UMAD1: variants seen among roughly 807,000 people sequenced by gnomAD.
UMAD1 encodes UBAP1-MVB12-associated (UMA) domain containing 1, also known as UBAP1-MVB12-associated (UMA)-domain containing protein 1.
In UMAD1, 8 loss-of-function variants were observed where a neutral mutation model predicts 6.1. That is an observed-to-expected ratio of 1.30 (90% CI 0.76 to 2.35). UMAD1 has a LOEUF of 2.35. UMAD1 is among the 30% of genes most tolerant of loss of function. UMAD1 has a pLI of 0.00. For synonymous variants in UMAD1, 56 were observed against 31.4 expected, an observed-to-expected ratio of 1.78 and a Z score of -2.61; for missense variants, 130 against 78.4, an observed-to-expected ratio of 1.66 and a Z score of -2.49.
intron 1 of UMAD1, among the ~76,000 whole-genome samples, chr7:7,661,231 G>A (rs1229420475): frequency 2.0e-5 from 3 of 151,902 alleles, no homozygotes; most frequent in Non-Finnish European, 4.4e-5. Flanking sequence ...TTTTTTCCAA[G>A]GTTCTTAGCT....
At chr7:7,689,189 T>C (rs7789164) in intron 2 of UMAD1, 24,743 of 152,116 alleles carry the variant, frequency 0.16, 2,473 homozygotes, top group Middle Eastern at 0.25. Context: ...ACCCATCACA[T>C]TTCTGACTGC....
chr7:7,736,312 G>A (rs567094353), intron 2 of UMAD1: 17 of 152,720 alleles, frequency 1.1e-4, no homozygotes, highest in Non-Finnish European at 2.1e-4. Context: ...GAAATTGCAC[G>A]TTTCTTCCTT....
chr7:7,755,160 A>G (rs1781753722), intron 2 of UMAD1, among the ~76,000 whole-genome samples: 1 of 152,174 alleles, frequency 6.6e-6, no homozygotes, highest in African/African-American at 2.4e-5. Flanking sequence ...TGGGGATTAG[A>G]CACAAATATT....
At chr7:7,653,555 C>CACT (rs1260576520) in intron 1 of UMAD1, among the ~76,000 whole-genome samples, 1 of 152,202 alleles carries the variant, frequency 6.6e-6, no homozygotes, top group African/African-American at 2.4e-5. Context: ...GTGCATCACG[C>CACT]ACTAGGTGAT....
chr7:7,768,426 G>A (rs551022164), intron 2 of UMAD1, among the ~76,000 whole-genome samples: 10 of 152,180 alleles, frequency 6.6e-5, no homozygotes, highest in Admixed American at 2.0e-4. Context: ...CTGCCGTTCT[G>A]AACTCCACAC....
chr7:7,642,503 A>G (rs1196556461), intron 1 of UMAD1, among the ~76,000 whole-genome samples: 1 of 151,696 alleles, frequency 6.6e-6, no homozygotes, highest in Non-Finnish European at 1.5e-5. Flanking sequence ...TCCTGTGAGT[A>G]CCAGATGTTA....
At chr7:7,726,353 A>G (rs12154236) in intron 2 of UMAD1, among the ~76,000 whole-genome samples, 25,581 of 152,230 alleles carry the variant, frequency 0.17, 2,174 homozygotes, top group Middle Eastern at 0.23. Context: ...TGCAGCAGTG[A>G]GCTCATGCTC....
intron 2 of UMAD1, among the ~76,000 whole-genome samples, chr7:7,799,482 C>T (rs181725280): frequency 4.5e-4 from 68 of 152,020 alleles, no homozygotes; most frequent in Non-Finnish European, 8.1e-4. Context: ...CAGAAAATGG[C>T]GAAGGAAGGA....
At chr7:7,759,058 GTTAT>G (rs1781833990) in intron 2 of UMAD1, among the ~76,000 whole-genome samples, 1 of 152,062 alleles carries the variant, frequency 6.6e-6, no homozygotes, top group African/African-American at 2.4e-5. Flanking sequence ...TTCTTACATG[GTTAT>G]TTAAACTGGA....
At chr7:7,871,980 T>A (rs947355845) in intron 3 of UMAD1, among the ~76,000 whole-genome samples, 1 of 151,662 alleles carries the variant, frequency 6.6e-6, no homozygotes, top group Admixed American at 6.6e-5. Flanking sequence ...ACACTCAGTC[T>A]CCCACCACAT....
intron 1 of UMAD1, among the ~76,000 whole-genome samples, chr7:7,665,735 C>A (rs762053922): frequency 3.3e-5 from 5 of 152,084 alleles, no homozygotes; most frequent in Non-Finnish European, 7.3e-5. Context: ...TACTTTCTTT[C>A]ACTGTACACT....
rs1047486878 is a variant in UMAD1, at chr7:7,681,867, T to A, written c.82+8414T>A. Among the ~76,000 whole-genome samples the A allele has an allele frequency of 6.6e-5, 10 of 152,258 alleles. No homozygotes were observed. In the South Asian group the frequency reaches 2.1e-3, roughly 32 times the overall value. On this transcript the variant is annotated intron_variant, in intron 2 of 3. Coordinates refer to ENST00000682710, the MANE Select transcript of UMAD1 (RefSeq NM_001302348.2). ...TTATTTTAAGTTAGGAAAAGGGATA[T>A]TGCGTAAATGTTAGGATATAATTCC...
intron 3 of UMAD1, among the ~76,000 whole-genome samples, chr7:7,852,480 C>T (rs1270261148): frequency 1.3e-5 from 2 of 152,330 alleles, no homozygotes; most frequent in Non-Finnish European, 2.9e-5. Context: ...GATCTTCTGA[C>T]AGACCAGCTT....
At chr7:7,791,458 A>G (rs1782565688) in intron 2 of UMAD1, among the ~76,000 whole-genome samples, 1 of 152,244 alleles carries the variant, frequency 6.6e-6, no homozygotes, top group South Asian at 2.1e-4. Context: ...AAATCTTTCA[A>G]GATGCAGATT....
chr7:7,718,167 T>C (rs1780964791), intron 2 of UMAD1, among the ~76,000 whole-genome samples: 1 of 152,256 alleles, frequency 6.6e-6, no homozygotes, highest in Non-Finnish European at 1.5e-5. Context: ...AAGAAGAAAT[T>C]GCAGAACTTG....
chr7:7,757,751 T>C (rs1781805340), intron 2 of UMAD1, among the ~76,000 whole-genome samples: 2 of 152,160 alleles, frequency 1.3e-5, no homozygotes, highest in Admixed American at 6.5e-5. Context: ...CGTTTAGGGA[T>C]GTTGTGTGGA....
At chr7:7,785,331 G>T (rs1212716290) in intron 2 of UMAD1, among the ~76,000 whole-genome samples, 1 of 152,158 alleles carries the variant, frequency 6.6e-6, no homozygotes, top group Non-Finnish European at 1.5e-5. Flanking sequence ...GAATGGGGAA[G>T]AATGTTCAAG....
rs1171860673 is a variant in UMAD1 at position 7,878,404 on chromosome 7, T to C, written c.*866T>C. 1 of 152,208 alleles carries C rather than the reference T, an allele frequency of 6.6e-6. No individual in the cohort carries two copies. The highest frequency in any genetic ancestry group is 1.5e-5 in the Non-Finnish European group (1 of 68,034). 9.4% of individuals were successfully genotyped at this position (152,208 alleles called of 1,614,324 possible). A position where few individuals can be genotyped will look rare whatever the true frequency, so the allele number is the denominator to read the frequency against. ...TGCTGATAACACCCTTATTTAGAAA[T>C]TTGTTGGCCACAATAGAGATGGAAA... is the stretch of plus-strand genomic sequence containing the variant. On this transcript the variant is annotated 3_prime_UTR_variant, in exon 4 of 4. Coordinates refer to ENST00000682710, the MANE Select transcript of UMAD1 (RefSeq NM_001302348.2).
chr7:7,643,051 T>C (rs1785010991), intron 1 of UMAD1, among the ~76,000 whole-genome samples: 1 of 152,062 alleles, frequency 6.6e-6, no homozygotes. Context: ...AGTGGGACAG[T>C]AGTGGGCTCT....
Sources: gnomAD v4.1 joint callset for allele counts (sites outside exome capture counted in the v4.1 genomes callset) on GRCh38, gnomAD v4.1.1 for gene constraint, MANE v1.5 for transcripts, NCBI Gene and HGNC (gene_info 2026-07-23, HGNC 2026-07-21) for gene names.